The following SNTG2 variants were observed in gnomAD, a reference collection of about 807,000 sequenced individuals.
SNTG2 encodes syntrophin gamma 2.
A neutral mutation model predicts 70.9 loss-of-function variants in SNTG2; 74 were observed. That is an observed-to-expected ratio of 1.04 (90% CI 0.86 to 1.27). The LOEUF (loss-of-function observed/expected upper bound fraction) is 1.27, where lower values mean the gene tolerates loss of function less well. Ranked by LOEUF, SNTG2 falls within the 50% of genes most tolerant of loss-of-function variation. The pLI is 0.00. For synonymous variants in SNTG2, 278 were observed against 273.8 expected (o/e 1.02, Z -0.15); for missense variants, 717 against 690.7 (o/e 1.04, Z -0.43).
intron 4 of SNTG2, among the ~76,000 whole-genome samples, chr2:1,100,542 G>A (rs1210948300): frequency 6.6e-6 from 1 of 152,194 alleles, no homozygotes; most frequent in Non-Finnish European, 1.5e-5. Flanking sequence ...TATAATGGCG[G>A]TGTTGACGAG....
intron 14 of SNTG2, among the ~76,000 whole-genome samples, chr2:1,301,924 G>A (rs1477707008): frequency 6.6e-6 from 1 of 151,912 alleles, no homozygotes; most frequent in Admixed American, 6.6e-5. Flanking sequence ...GAGAGTGCAG[G>A]TGACACCACA....
intron 1 of SNTG2, among the ~76,000 whole-genome samples, chr2:1,074,022 G>A (rs778163910): frequency 6.6e-6 from 1 of 152,126 alleles, no homozygotes; most frequent in Non-Finnish European, 1.5e-5. Context: ...ATGTTGGATG[G>A]ACTCTCAATA....
intron 16 of SNTG2, 75 bp from the exon 17 acceptor site, chr2:1,367,268 A>C (rs1299943327): frequency 4.2e-6 from 6 of 1,430,024 alleles, no homozygotes; most frequent in Admixed American, 2.8e-5. Context: ...CACAAGGTCC[A>C]AACTTTGTTA....
chr2:1,258,087 G>A (rs1483419770), intron 12 of SNTG2, among the ~76,000 whole-genome samples: 2 of 152,290 alleles, frequency 1.3e-5, no homozygotes, highest in East Asian at 1.9e-4. Flanking sequence ...ACATTAGGCA[G>A]TAGCATAAAA....
intron 6 of SNTG2, among the ~76,000 whole-genome samples, chr2:1,151,303 G>A (rs1254031384): frequency 2.6e-5 from 4 of 152,286 alleles, no homozygotes; most frequent in South Asian, 2.1e-4. Context: ...TGGTGCCGGC[G>A]GGCTGCCTCC....
intron 12 of SNTG2, among the ~76,000 whole-genome samples, chr2:1,249,394 C>T (rs1008540818): frequency 1.3e-5 from 2 of 151,986 alleles, no homozygotes; most frequent in African/African-American, 4.8e-5. Context: ...TATACTTGAC[C>T]GAGGATTGTT....
intron 9 of SNTG2, among the ~76,000 whole-genome samples, chr2:1,224,197 G>A (rs1313449911): frequency 5.9e-5 from 9 of 152,290 alleles, no homozygotes; most frequent in South Asian, 2.1e-4. Context: ...CGGGGGCTAG[G>A]ATTTCAACAC....
At chr2:967,575 T>C (rs1660608815) in intron 1 of SNTG2, among the ~76,000 whole-genome samples, 1 of 152,218 alleles carries the variant, frequency 6.6e-6, no homozygotes, top group South Asian at 2.1e-4. Context: ...CAATGTATCA[T>C]CTTTTTATGT....
intron 1 of SNTG2, among the ~76,000 whole-genome samples, chr2:1,033,625 G>A (rs1660966675): frequency 6.6e-6 from 1 of 152,168 alleles, no homozygotes; most frequent in Admixed American, 6.5e-5. Context: ...TCAACTTTTG[G>A]AGTCCTGAAA....
At chr2:1,080,035 C>T (rs1449848879) in intron 1 of SNTG2, among the ~76,000 whole-genome samples, 2 of 152,174 alleles carry the variant, frequency 1.3e-5, no homozygotes, top group East Asian at 1.9e-4. Context: ...GGGTCCTGCT[C>T]CTTATTAGTG....
intron 14 of SNTG2, among the ~76,000 whole-genome samples, chr2:1,290,317 C>CTTTTTT (rs34782770): frequency 6.9e-6 from 1 of 144,438 alleles, no homozygotes; most frequent in African/African-American, 2.6e-5. Flanking sequence ...GTTCTACATC[C>CTTTTTT]TTTTTTTTTT....
At chr2:1,116,987 G>T in intron 4 of SNTG2, among the ~76,000 whole-genome samples, 1 of 141,064 alleles carries the variant, frequency 7.1e-6, no homozygotes, top group Non-Finnish European at 1.5e-5. Context: ...GCATGTGGGT[G>T]CTCTGGTGTA....
intron 1 of SNTG2, among the ~76,000 whole-genome samples, chr2:1,052,384 C>A (rs1011737460): frequency 6.6e-6 from 1 of 152,204 alleles, no homozygotes; most frequent in East Asian, 1.9e-4. Flanking sequence ...ACACAAATCA[C>A]AAACTGTAAG....
intron 9 of SNTG2, among the ~76,000 whole-genome samples, chr2:1,213,615 C>T (rs28810768): frequency 0.03 from 4,588 of 152,284 alleles, 221 homozygotes; most frequent in African/African-American, 0.11. Flanking sequence ...GACAGGATGC[C>T]ATCCCACTGC....
Position 1,353,092 on chromosome 2 carries a change from C to T in SNTG2, c.1489-14251C>T, listed in dbSNP as rs185289110. Among the ~76,000 whole-genome samples, 334 of 152,152 alleles carry T rather than the reference C, an allele frequency of 2.2e-3. No individual in the cohort carries two copies. The highest frequency in any genetic ancestry group is 7.6e-3 in the African/African-American group (314 of 41,500). ...CCCAGAAATCCACATGGTGCATTTT[C>T]GGAAAACTTTCCAGCCATTATGCAA... On this transcript the variant is annotated intron_variant, in intron 16 of 16. Coordinates refer to ENST00000308624, the MANE Select transcript of SNTG2 (RefSeq NM_018968.4). The surrounding 1 kb of genome is among the most constrained non-coding windows in gnomAD (Gnocchi z 4.2).
chr2:1,301,879 G>A (rs980352712), intron 14 of SNTG2, among the ~76,000 whole-genome samples: 9 of 151,958 alleles, frequency 5.9e-5, no homozygotes, highest in African/African-American at 1.4e-4. Context: ...GAAGGAACCT[G>A]GGAACATCAG....
intron 9 of SNTG2, among the ~76,000 whole-genome samples, chr2:1,226,107 C>G (rs58535584): frequency 0.18 from 27,528 of 152,088 alleles, 3,424 homozygotes; most frequent in African/African-American, 0.34. Flanking sequence ...GTAAGGCATT[C>G]TATTGACCAA....
chr2:1,203,302 A>T lies in SNTG2; in HGVS notation c.592-5801A>T, dbSNP rs1412446025. Among the ~76,000 whole-genome samples the T allele has an allele frequency of 3.9e-5, 6 of 152,184 alleles. No homozygotes were observed. In the East Asian group the frequency reaches 1.2e-3, roughly 29 times the overall value. ...TAGAGGAGGTTGAAATGAATCCCAG[A>T]TAACTCTGTGAAACTGGGATAACAC... On this transcript the variant is annotated intron_variant, in intron 8 of 16. Transcript: ENST00000308624.
intron 4 of SNTG2, among the ~76,000 whole-genome samples, chr2:1,129,641 T>G (rs1249474881): frequency 1.3e-5 from 2 of 152,226 alleles, no homozygotes; most frequent in African/African-American, 4.8e-5. Flanking sequence ...GTTTTAAATT[T>G]AGCAATTGTA....
Sources: allele counts gnomAD v4.1 joint callset (sites outside exome capture counted in the v4.1 genomes callset), GRCh38; gene constraint gnomAD v4.1.1; non-coding constraint Gnocchi (gnomAD v3.1); transcripts MANE v1.5; gene names NCBI Gene and HGNC (gene_info 2026-07-23, HGNC 2026-07-21).